The following SGK1 variants were observed in gnomAD, a reference collection of about 807,000 sequenced individuals.
SGK1 encodes serine/threonine-protein kinase Sgk1.
SGK1 carries 26 observed loss-of-function variants against 64.2 expected under a neutral mutation model. The ratio of observed to expected loss-of-function variants is 0.40; its 90% CI spans 0.30 to 0.56. The LOEUF is 0.56. SGK1 is among the 20% of genes least tolerant of loss of function. The pLI, the probability that SGK1 is intolerant of heterozygous loss-of-function variation, is 0.38. For synonymous variants in SGK1, 265 were observed against 239.7 expected, an observed-to-expected ratio of 1.11 and a Z score of -0.98; for missense variants, 519 against 645.6, an observed-to-expected ratio of 0.80 and a Z score of 2.12.
chr6:134,276,341 T>C (rs1287812169), intron 1 of SGK1, among the ~76,000 whole-genome samples: 2 of 152,188 alleles, frequency 1.3e-5, no homozygotes, highest in Non-Finnish European at 2.9e-5. Flanking sequence ...CATGAGTTCA[T>C]CTCTGGGGAG....
At chr6:134,246,794 T>C (rs1194193272) in intron 2 of SGK1, among the ~76,000 whole-genome samples, 1 of 152,046 alleles carries the variant, frequency 6.6e-6, no homozygotes, top group East Asian at 2.0e-4. Context: ...GGTTTCGCCA[T>C]GTTGGCTAGG....
intron 2 of SGK1, among the ~76,000 whole-genome samples, chr6:134,231,826 G>T (rs1319463472): frequency 6.6e-6 from 1 of 151,818 alleles, no homozygotes; most frequent in East Asian, 1.9e-4. Context: ...GATCACCTGA[G>T]GTCAGGAGTT....
intron 1 of SGK1, among the ~76,000 whole-genome samples, chr6:134,279,451 TAAATAAATA>T (rs1257017392): frequency 6.6e-6 from 1 of 151,506 alleles, no homozygotes; most frequent in African/African-American, 2.4e-5. Flanking sequence ...AATAAATAAA[TAAATAAATA>T]AAATAAAGGC....
At chr6:134,185,699 T>C (rs1582696587) in intron 3 of SGK1, among the ~76,000 whole-genome samples, 1 of 151,966 alleles carries the variant, frequency 6.6e-6, no homozygotes, top group African/African-American at 2.4e-5. Context: ...AATTGGCTCA[T>C]ACAATTATGA....
At chr6:134,178,049 T>C (rs953226711) in intron 3 of SGK1, 3 of 539,538 alleles carry the variant, frequency 5.6e-6, no homozygotes, top group East Asian at 3.0e-5. Context: ...CACAAATCAG[T>C]CCGGAAAAAA....
intron 3 of SGK1, among the ~76,000 whole-genome samples, chr6:134,200,438 G>A (rs1210609171): frequency 2.0e-5 from 3 of 152,104 alleles, no homozygotes; most frequent in Admixed American, 6.6e-5. Flanking sequence ...TAGTCCTGTC[G>A]TCTGGCACTC....
intron 2 of SGK1, among the ~76,000 whole-genome samples, chr6:134,215,807 G>A (rs1775970290): frequency 6.6e-6 from 1 of 151,972 alleles, no homozygotes; most frequent in African/African-American, 2.4e-5. Context: ...ACCTGAGGCT[G>A]GGAGTTCGAG....
intron 2 of SGK1, among the ~76,000 whole-genome samples, chr6:134,245,666 C>T (rs1582739267): frequency 6.6e-6 from 1 of 152,160 alleles, no homozygotes; most frequent in East Asian, 1.9e-4. Flanking sequence ...CCAGCCTGGG[C>T]AACATAGCGT....
intron 1 of SGK1, among the ~76,000 whole-genome samples, chr6:134,299,443 A>G (rs560376190): frequency 6.6e-6 from 1 of 152,190 alleles, no homozygotes; most frequent in Non-Finnish European, 1.5e-5. Flanking sequence ...GGCTCTGGAA[A>G]CATATGCAGA....
rs1380877517 is a variant in SGK1, at chr6:134,170,414, G to T, written c.1435C>A (p.His479Asn). ...TCTTCGGTAAACTCGGGGTCAAAGT[G>T]CCGTAGGTCGTTGGGCCCACTCTGT... ...PNVSGPNDLR[H>N]FDPEFTEEPV... Residue 479 changes from histidine (H) to asparagine (N), a missense_variant, in exon 14 of 14, where the codon CAC (histidine) becomes AAC (asparagine). Coordinates refer to ENST00000367858, the MANE Select transcript of SGK1 (RefSeq NM_001143676.3). The T allele has an allele frequency of 1.9e-6, 3 of 1,613,292 alleles. No individual in the cohort carries two copies. Among genetic ancestry groups the T allele is most frequent in the Non-Finnish European group, 1.7e-6 (2 of 1,179,404 alleles).
At chr6:134,243,660 C>T (rs991012437) in intron 2 of SGK1, among the ~76,000 whole-genome samples, 3 of 152,150 alleles carry the variant, frequency 2.0e-5, no homozygotes, top group Admixed American at 6.5e-5. Flanking sequence ...CGAGCCACCG[C>T]GCCCGGCCAT....
chr6:134,248,397 A>G (rs1776556768), intron 2 of SGK1, among the ~76,000 whole-genome samples: 1 of 151,844 alleles, frequency 6.6e-6, no homozygotes, highest in East Asian at 1.9e-4. Flanking sequence ...ATACAGAGAC[A>G]GATGACACAC....
chr6:134,267,454 C>T (rs375897151), intron 1 of SGK1, among the ~76,000 whole-genome samples: 31 of 152,028 alleles, frequency 2.0e-4, no homozygotes, highest in African/African-American at 7.2e-4. Flanking sequence ...CGCGCCACCA[C>T]GTTCGGCTAT....
intron 2 of SGK1, among the ~76,000 whole-genome samples, chr6:134,214,478 C>G (rs1208364729): frequency 6.6e-6 from 1 of 151,932 alleles, no homozygotes; most frequent in African/African-American, 2.4e-5. Flanking sequence ...ATAATCCCAG[C>G]TACTCAGGAG....
intron 1 of SGK1, among the ~76,000 whole-genome samples, chr6:134,282,405 C>A (rs540408114): frequency 6.6e-6 from 1 of 152,224 alleles, no homozygotes; most frequent in South Asian, 2.1e-4. Context: ...GTAGTCCCAG[C>A]ACTTGGGAGG....
chr6:134,302,894 A>G (rs889747611), intron 1 of SGK1, among the ~76,000 whole-genome samples: 1 of 151,898 alleles, frequency 6.6e-6, no homozygotes, highest in Non-Finnish European at 1.5e-5. Flanking sequence ...AGCTGAGACT[A>G]CAGGTGTGCG....
intron 1 of SGK1, among the ~76,000 whole-genome samples, chr6:134,272,677 C>T (rs961259913): frequency 6.8e-6 from 1 of 147,910 alleles, no homozygotes; most frequent in African/African-American, 2.4e-5. Flanking sequence ...AAATAATCTC[C>T]ATTTCCTCAT....
In SGK1 at chr6:134,268,513, T is replaced by C. The variant is rs111973401; in HGVS notation, c.70-6365A>G. Reference sequence around the variant, plus strand: ...GGAGGCGGGCGGATCACGAGGTCAGTAGATCGAGACCATCCTGGCTAACAC... The same window carrying C: ...GGAGGCGGGCGGATCACGAGGTCAGCAGATCGAGACCATCCTGGCTAACAC... On this transcript the variant is annotated intron_variant, in intron 1 of 13. Coordinates refer to ENST00000367858, the MANE Select transcript of SGK1 (RefSeq NM_001143676.3). Among the ~76,000 whole-genome samples, 490 of 151,422 alleles carry C rather than the reference T, an allele frequency of 3.2e-3. 5 individuals are homozygous for C. The highest frequency in any genetic ancestry group is 8.4e-3 in the African/African-American group (348 of 41,380).
chr6:134,213,841 G>T (rs1054767556), intron 2 of SGK1, among the ~76,000 whole-genome samples: 2 of 151,656 alleles, frequency 1.3e-5, no homozygotes, highest in African/African-American at 2.4e-5. Context: ...GATTGAGGAG[G>T]GGCAAAAACG....
Sources: allele counts gnomAD v4.1 joint callset (sites outside exome capture counted in the v4.1 genomes callset), GRCh38; gene constraint gnomAD v4.1.1; transcripts MANE v1.5; gene names NCBI Gene and HGNC (gene_info 2026-07-23, HGNC 2026-07-21).